Variants in OPHN1 observed in about 807,000 individuals in gnomAD.
OPHN1 encodes oligophrenin-1.
OPHN1 carries 11 observed loss-of-function variants against 60.7 expected under a neutral mutation model. The ratio of observed to expected loss-of-function variants is 0.18; its 90% confidence interval spans 0.11 to 0.30. The LOEUF is 0.30. Among genes scored for constraint, OPHN1 ranks in the 10% least tolerant of loss-of-function variants. The probability of loss-of-function intolerance (pLI) is 1.00; values close to 1 mark genes in which losing one functional copy is unlikely to be tolerated. For synonymous variants in OPHN1, 226 were observed against 222.6 expected (o/e 1.02, Z -0.14); for missense variants, 449 against 611.0 (o/e 0.73, Z 2.80).
intron 3 of OPHN1, among the ~76,000 whole-genome samples, chrX:68,293,440 C>A (rs937742523): frequency 2.7e-5 from 3 of 112,157 alleles, no homozygotes; most frequent in African/African-American, 9.7e-5. Context: ...ATCTAGAAGT[C>A]TGACCTTAAA....
intron 15 of OPHN1, among the ~76,000 whole-genome samples, chrX:68,188,148 G>GA (rs1179504611): frequency 1.8e-5 from 2 of 111,949 alleles, no homozygotes; most frequent in Admixed American, 9.5e-5. Flanking sequence ...ACCTTTAAGA[G>GA]AAAAATTCCT....
rs1237017316 is a variant in OPHN1, at chrX:68,222,627, A to T, written c.487-8655T>A. Among the ~76,000 whole-genome samples, 4 of 107,694 alleles carry T rather than the reference A, an allele frequency of 3.7e-5. No individual in the cohort carries two copies. In the East Asian group the frequency reaches 1.2e-3, roughly 32 times the overall value. The allele number at this position is 107,694 out of a possible 115,157, so 93.5% of individuals were successfully genotyped here. A position where few individuals can be genotyped will look rare whatever the true frequency, so the allele number is the denominator to read the frequency against. ...AAAAATGTGAGTTCATGTCCTTTGT[A>T]GGGACATGGATGAAATTGGAAATCA... On this transcript the variant is annotated intron_variant, in intron 6 of 24. Coordinates refer to ENST00000355520, the MANE Select transcript of OPHN1 (RefSeq NM_002547.3).
intron 20 of OPHN1, among the ~76,000 whole-genome samples, chrX:68,065,330 T>A (rs1244838313): frequency 9.0e-6 from 1 of 111,471 alleles, no homozygotes; most frequent in African/African-American, 3.3e-5. Context: ...ATTTTAAGTA[T>A]GATGATGATA....
chrX:68,375,805 C>G (rs1218469268), intron 2 of OPHN1, among the ~76,000 whole-genome samples: 3 of 110,577 alleles, frequency 2.7e-5, no homozygotes, highest in African/African-American at 9.9e-5. Context: ...ATATAATTCT[C>G]AAAACAACCC....
At chrX:68,132,663 A>C (rs930020215) in intron 15 of OPHN1, among the ~76,000 whole-genome samples, 3 of 100,825 alleles carry the variant, frequency 3.0e-5, no homozygotes, top group Non-Finnish European at 6.0e-5. Context: ...ACTAACCTGC[A>C]CAATGTGCAC....
chrX:68,211,425 T>C (rs749860506), intron 8 of OPHN1, among the ~76,000 whole-genome samples: 1 of 112,628 alleles, frequency 8.9e-6, no homozygotes, highest in Non-Finnish European at 1.9e-5. Context: ...TGTTTATTTG[T>C]CTCCTACAAG....
intron 2 of OPHN1, among the ~76,000 whole-genome samples, chrX:68,312,678 C>A (rs1373378473): frequency 9.1e-6 from 1 of 110,356 alleles, no homozygotes; most frequent in Non-Finnish European, 1.9e-5. Context: ...GTCCCCAGAT[C>A]AATAAAATAG....
At chrX:68,217,657 C>CA (rs1184960548) in intron 6 of OPHN1, among the ~76,000 whole-genome samples, 1 of 110,543 alleles carries the variant, frequency 9.0e-6, no homozygotes, top group Non-Finnish European at 1.9e-5. Flanking sequence ...AGGCACCCCC[C>CA]AGCAGGGACA....
chrX:68,234,109 A>C (rs1341730305), intron 6 of OPHN1, among the ~76,000 whole-genome samples: 1 of 109,221 alleles, frequency 9.2e-6, no homozygotes, highest in African/African-American at 3.3e-5. Flanking sequence ...AAAAAAAAAA[A>C]AAAGGTTGTG....
intron 16 of OPHN1, among the ~76,000 whole-genome samples, chrX:68,113,691 A>G (rs1170658381): frequency 9.2e-6 from 1 of 109,107 alleles, no homozygotes; most frequent in Non-Finnish European, 1.9e-5. Context: ...GTCAAAAAAC[A>G]TTCTCAGTAA....
At chrX:68,415,014 G>A (rs1245973499) in intron 2 of OPHN1, among the ~76,000 whole-genome samples, 5 of 112,085 alleles carry the variant, frequency 4.5e-5, no homozygotes, top group Admixed American at 9.6e-5. Context: ...CTCTCAAAAG[G>A]ACAGAGTTAA....
intron 24 of OPHN1, among the ~76,000 whole-genome samples, 199 bp from the exon 25 acceptor site, chrX:68,047,362 C>A (rs1289180966): frequency 9.0e-6 from 1 of 111,591 alleles, no homozygotes; most frequent in Non-Finnish European, 1.9e-5. Context: ...ATGACCAGGG[C>A]TGGACACTTT....
At chrX:68,153,800 C>A (rs911560268) in intron 15 of OPHN1, among the ~76,000 whole-genome samples, 1 of 111,701 alleles carries the variant, frequency 9.0e-6, no homozygotes, top group Non-Finnish European at 1.9e-5. Context: ...TATGCTGAGA[C>A]CCCGTGATTC....
intron 2 of OPHN1, among the ~76,000 whole-genome samples, chrX:68,372,757 A>G (rs905270800): frequency 8.0e-4 from 89 of 110,896 alleles, no homozygotes; most frequent in African/African-American, 2.9e-3. Flanking sequence ...CACTACTCCA[A>G]GCAGGAGTGA....
At chrX:68,248,649 T>C (rs1325066812) in intron 5 of OPHN1, among the ~76,000 whole-genome samples, 1 of 112,513 alleles carries the variant, frequency 8.9e-6, no homozygotes, top group Non-Finnish European at 1.9e-5. Flanking sequence ...CTCCAATGTT[T>C]GTTGCAGCAC....
intron 18 of OPHN1, among the ~76,000 whole-genome samples, chrX:68,111,460 C>A (rs1466083425): frequency 8.9e-6 from 1 of 112,386 alleles, no homozygotes; most frequent in Non-Finnish European, 1.9e-5. Context: ...ATGTGACATG[C>A]ATTTTACCTG....
chrX:68,342,131 G>A (rs1284835193), intron 2 of OPHN1, among the ~76,000 whole-genome samples: 3 of 108,019 alleles, frequency 2.8e-5, no homozygotes, highest in Admixed American at 2.0e-4. Context: ...CACCATGCCC[G>A]GCTGATTTTT....
chrX:68,276,908 C>T (rs1419119123), intron 4 of OPHN1, among the ~76,000 whole-genome samples: 3 of 111,059 alleles, frequency 2.7e-5, no homozygotes, highest in African/African-American at 9.8e-5. Context: ...CAGCTGAATC[C>T]GCCCTTCCTG....
chrX:68,401,729 C>T (rs1031315019), intron 2 of OPHN1, among the ~76,000 whole-genome samples: 3 of 111,354 alleles, frequency 2.7e-5, no homozygotes, highest in Non-Finnish European at 5.6e-5. Flanking sequence ...TGAGATGGGC[C>T]TTGCATGATG....
Sources: allele counts gnomAD v4.1 joint callset (sites outside exome capture counted in the v4.1 genomes callset), GRCh38; gene constraint gnomAD v4.1.1; transcripts MANE v1.5; gene names NCBI Gene and HGNC (gene_info 2026-07-23, HGNC 2026-07-21).